The following PRKCA variants were observed in gnomAD, a reference collection of about 807,000 sequenced individuals.
The protein encoded by PRKCA is protein kinase C alpha type.
In PRKCA, 27 loss-of-function variants were observed where a neutral mutation model predicts 87.0. The observed-to-expected ratio is 0.31, with a 90% CI of 0.23 to 0.43. PRKCA has a LOEUF of 0.43. Among genes scored for constraint, PRKCA ranks in the 20% least tolerant of loss-of-function variants. The probability of loss-of-function intolerance (pLI) is 1.00; values close to 1 mark genes in which losing one functional copy is unlikely to be tolerated. For synonymous variants in PRKCA, 329 were observed against 311.1 expected (o/e 1.06, Z -0.61); for missense variants, 518 against 852.3 (o/e 0.61, Z 4.88).
intron 3 of PRKCA, among the ~76,000 whole-genome samples, chr17:66,605,613 GA>G: frequency 6.6e-6 from 1 of 152,312 alleles, no homozygotes. Flanking sequence ...CGAAGAGAAT[GA>G]AAACATATGT....
intron 5 of PRKCA, among the ~76,000 whole-genome samples, chr17:66,647,029 C>T (rs934212747): frequency 1.3e-5 from 2 of 152,156 alleles, no homozygotes; most frequent in South Asian, 2.1e-4. Flanking sequence ...CTGATGCTGT[C>T]CTTGGAATCC....
chr17:66,643,823 C>T (rs1971377304), intron 4 of PRKCA, among the ~76,000 whole-genome samples: 1 of 152,158 alleles, frequency 6.6e-6, no homozygotes, highest in Admixed American at 6.5e-5. Context: ...GATAGAGTTC[C>T]ACTTGGGATG....
chr17:66,545,368 G>C (rs1170968315), intron 3 of PRKCA, among the ~76,000 whole-genome samples: 1 of 152,220 alleles, frequency 6.6e-6, no homozygotes, highest in Non-Finnish European at 1.5e-5. Flanking sequence ...GGCGGAGCTT[G>C]CAGTGAGCCA....
At chr17:66,578,051 T>C (rs1969295101) in intron 3 of PRKCA, among the ~76,000 whole-genome samples, 1 of 151,870 alleles carries the variant, frequency 6.6e-6, no homozygotes, top group African/African-American at 2.4e-5. Flanking sequence ...ACCTTTCTCC[T>C]GCAACTCCTC....
intron 2 of PRKCA, among the ~76,000 whole-genome samples, chr17:66,390,133 A>G (rs1200453437): frequency 6.6e-6 from 1 of 152,166 alleles, no homozygotes; most frequent in Non-Finnish European, 1.5e-5. Flanking sequence ...GAGGCAGGAG[A>G]ATCGCTTGAA....
In PRKCA at chr17:66,567,860, A is replaced by G. The variant is rs1460598797; in HGVS notation, c.288+71577A>G. ...GGGAAGAAGTCCAAAAATCTGATTC[A>G]TGCCATGACTGTGATACAACCAAGA... On this transcript the variant is annotated intron_variant, in intron 3 of 16. Transcript: ENST00000413366. Among the ~76,000 whole-genome samples the G allele has an allele frequency of 3.9e-5, 6 of 152,384 alleles. No individual in the cohort carries two copies. In the East Asian group the frequency reaches 9.6e-4, roughly 24 times the overall value.
chr17:66,528,965 C>G (rs149812097), intron 3 of PRKCA, among the ~76,000 whole-genome samples: 1 of 152,144 alleles, frequency 6.6e-6, no homozygotes, highest in East Asian at 1.9e-4. Flanking sequence ...ATAAGCCCAG[C>G]CAAATTGTTC....
In PRKCA at chr17:66,390,099, T is replaced by C. The variant is rs1430385189; in HGVS notation, c.205+83972T>C. Among the ~76,000 whole-genome samples the C allele has an allele frequency of 5.3e-5, 8 of 152,182 alleles. 1 individual carries two copies. Among genetic ancestry groups the C allele is most frequent in the Admixed American group, 2.0e-4 (3 of 15,270 alleles). ...TTAGCCAGGTGTGATGGCGCATGCC[T>C]GTAATCCCAGCTACTCGGAGGCTGA... is the stretch of plus-strand genomic sequence containing the variant. On this transcript the variant is annotated intron_variant, in intron 2 of 16. Transcript: ENST00000413366.
chr17:66,622,027 CTCCA>C (rs766781294), intron 3 of PRKCA, among the ~76,000 whole-genome samples: 10 of 107,546 alleles, frequency 9.3e-5, no homozygotes, highest in Non-Finnish European at 1.5e-4. Flanking sequence ...CATAGTGAAA[CTCCA>C]TCCATTTAAA....
intron 2 of PRKCA, among the ~76,000 whole-genome samples, chr17:66,384,991 C>T (rs1293389867): frequency 1.3e-5 from 2 of 152,098 alleles, no homozygotes; most frequent in Admixed American, 6.6e-5. Flanking sequence ...AGAACTGTGC[C>T]TTCCTCTTCT....
rs1976099199 is a variant in PRKCA at position 66,808,692 on chromosome 17, T to C, written c.*4655T>C. On this transcript the variant is annotated 3_prime_UTR_variant, in exon 17 of 17. Coordinates refer to ENST00000413366, the MANE Select transcript of PRKCA (RefSeq NM_002737.3). ...GGCCACACACCAATTTGACAAGGAG[T>C]GTTGCGAAATTTTTATTTATTTATT... 6.6e-6 allele frequency: 1 copy of C among 151,548 alleles called. No homozygotes were observed. Among genetic ancestry groups the C allele is most frequent in the Admixed American group, 6.6e-5 (1 of 15,192 alleles). The allele number at this position is 151,548 out of a possible 1,614,324, so 9.4% of individuals were successfully genotyped here.
chr17:66,613,410 A>G (rs533206342), intron 3 of PRKCA, among the ~76,000 whole-genome samples: 8 of 151,420 alleles, frequency 5.3e-5, no homozygotes, highest in Non-Finnish European at 1.2e-4. Flanking sequence ...GCTACTTTAA[A>G]TCTGTTTCCA....
At chr17:66,796,555 C>A (rs1172592690) in intron 16 of PRKCA, 2 of 985,184 alleles carry the variant, frequency 2.0e-6, no homozygotes, top group African/African-American at 1.7e-5. Context: ...ACTTTATAAC[C>A]CTTAACCGTG....
At chr17:66,796,895 G>T (rs1468736762) in intron 16 of PRKCA, 13 of 985,272 alleles carry the variant, frequency 1.3e-5, no homozygotes, top group Non-Finnish European at 1.6e-5. Flanking sequence ...GTAAGGGGTA[G>T]CTCCCACCTC....
intron 2 of PRKCA, among the ~76,000 whole-genome samples, chr17:66,363,501 A>G (rs184872518): frequency 7.9e-5 from 12 of 152,346 alleles, no homozygotes; most frequent in African/African-American, 2.9e-4. Flanking sequence ...GTAATAAGTC[A>G]TGATTTCTTA....
intron 3 of PRKCA, among the ~76,000 whole-genome samples, chr17:66,618,721 T>C (rs532030622): frequency 2.5e-4 from 38 of 152,204 alleles, no homozygotes; most frequent in Non-Finnish European, 5.4e-4. Flanking sequence ...TTTCGTATTC[T>C]GGGAAATGTT....
Position 66,418,479 on chromosome 17 carries a change from A to G in PRKCA, c.206-77722A>G, listed in dbSNP as rs1166775158. The stretch of plus-strand genomic sequence containing the variant: ...TGAGATGGAGTCTTGCTCTGTCACC[A>G]GGCTGGAGTGCAGTGGCGCGATCTC... On this transcript the variant is annotated intron_variant, in intron 2 of 16. Coordinates refer to ENST00000413366, the MANE Select transcript of PRKCA (RefSeq NM_002737.3). Among the ~76,000 whole-genome samples, 7 of 149,182 alleles carry G rather than the reference A, an allele frequency of 4.7e-5. No homozygotes were observed. The East Asian group carries it at 1.4e-3, about 30-fold the overall frequency.
At chr17:66,478,798 C>G (rs539061017) in intron 2 of PRKCA, among the ~76,000 whole-genome samples, 1 of 152,152 alleles carries the variant, frequency 6.6e-6, no homozygotes, top group Non-Finnish European at 1.5e-5. Context: ...TTTTCTCTTG[C>G]AACAACTTAC....
intron 8 of PRKCA, among the ~76,000 whole-genome samples, chr17:66,723,476 A>G (rs903703555): frequency 1.3e-5 from 2 of 152,034 alleles, no homozygotes; most frequent in Admixed American, 6.5e-5. Context: ...AAAAATACAA[A>G]AATTAGCCAG....
Sources: gnomAD v4.1 joint callset for allele counts (sites outside exome capture counted in the v4.1 genomes callset) on GRCh38, gnomAD v4.1.1 for gene constraint, MANE v1.5 for transcripts, NCBI Gene and HGNC (gene_info 2026-07-23, HGNC 2026-07-21) for gene names.